Variants in SENP5 observed in about 807,000 individuals in gnomAD.
The protein encoded by SENP5 is SUMO specific peptidase 5.
SENP5 carries 21 observed loss-of-function variants against 74.2 expected under a neutral mutation model. The observed-to-expected ratio is 0.28, with a 90% confidence interval of 0.20 to 0.41. The LOEUF is 0.41. Among genes scored for constraint, SENP5 ranks in the 10% least tolerant of loss-of-function variants. SENP5 has a pLI of 1.00. For missense variants in SENP5, 717 were observed against 889.1 expected (o/e 0.81, Z 2.46); for synonymous variants, 311 against 312.7 (o/e 0.99, Z 0.06).
intron 1 of SENP5, among the ~76,000 whole-genome samples, chr3:196,869,348 T>C (rs916470244): frequency 2.6e-5 from 4 of 151,596 alleles, no homozygotes; most frequent in African/African-American, 9.7e-5. Context: ...GGATTACAGG[T>C]GCCCGCCATC....
intron 6 of SENP5, among the ~76,000 whole-genome samples, chr3:196,920,671 T>G (rs576898785): frequency 9.8e-5 from 15 of 152,322 alleles, no homozygotes; most frequent in Admixed American, 7.8e-4. Flanking sequence ...ATTATTCCTA[T>G]TTTCCTGAGA....
intron 2 of SENP5, among the ~76,000 whole-genome samples, chr3:196,887,687 G>A (rs1485247522): frequency 6.6e-6 from 1 of 152,084 alleles, no homozygotes; most frequent in Admixed American, 6.6e-5. Flanking sequence ...AAAGGTAAAA[G>A]CCTTCAGTAC....
intron 2 of SENP5, among the ~76,000 whole-genome samples, chr3:196,894,493 A>G (rs1411111104): frequency 6.6e-6 from 1 of 151,700 alleles, no homozygotes; most frequent in Non-Finnish European, 1.5e-5. Flanking sequence ...CTTTACACCA[A>G]AATGAATTCC....
intron 2 of SENP5, among the ~76,000 whole-genome samples, chr3:196,894,074 T>G (rs1560147541): frequency 3.3e-5 from 5 of 151,832 alleles, no homozygotes; most frequent in African/African-American, 4.8e-5. Context: ...AAAGTAAATG[T>G]TTATAAAAAT....
intron 6 of SENP5, among the ~76,000 whole-genome samples, chr3:196,916,527 C>CTTT (rs36159681): frequency 1.4e-5 from 2 of 143,304 alleles, no homozygotes; most frequent in Non-Finnish European, 3.0e-5. Context: ...AAGAGATTGA[C>CTTT]TTTTTTTTTT....
At position 196,900,204 on chromosome 3, in the gene SENP5, C is replaced by T. The variant is rs1038465948; in HGVS notation, c.1758+142C>T. 4.1e-6 allele frequency: 5 copies of T among 1,217,180 alleles called. No homozygotes were observed. In the African/African-American group the frequency reaches 4.6e-5, roughly 11 times the overall value. The allele number at this position is 1,217,180 out of a possible 1,614,324, so 75.4% of individuals were successfully genotyped here. A position where few individuals can be genotyped will look rare whatever the true frequency, so the allele number is the denominator to read the frequency against. The stretch of plus-strand genomic sequence containing the variant: ...CTGGTTACTTGCCCCAGGATCCAAA[C>T]GGTTTGATTACTATTGGCAGTAATA... On this transcript the variant is annotated intron_variant, in intron 4 of 9. Coordinates refer to ENST00000323460, the MANE Select transcript of SENP5 (RefSeq NM_152699.5).
chr3:196,893,831 A>G (rs541230915), intron 2 of SENP5, among the ~76,000 whole-genome samples: 1 of 151,356 alleles, frequency 6.6e-6, no homozygotes, highest in African/African-American at 2.4e-5. Context: ...AATTGCTTGT[A>G]CTTGTGAGTT....
intron 5 of SENP5, among the ~76,000 whole-genome samples, chr3:196,901,712 G>A (rs1714705977): frequency 6.6e-6 from 1 of 152,126 alleles, no homozygotes; most frequent in African/African-American, 2.4e-5. Flanking sequence ...GAATCATGAG[G>A]CTAATCTGCT....
intron 2 of SENP5, among the ~76,000 whole-genome samples, chr3:196,898,586 C>G (rs763067874): frequency 1.6e-4 from 24 of 151,778 alleles, no homozygotes; most frequent in Non-Finnish European, 3.2e-4. Context: ...TAGAAAGAGA[C>G]CCCATCTCCA....
chr3:196,898,030 T>C (rs1383370303), intron 2 of SENP5, among the ~76,000 whole-genome samples: 1 of 151,088 alleles, frequency 6.6e-6, no homozygotes, highest in Non-Finnish European at 1.5e-5. Context: ...ATACAAAAAT[T>C]AGCTGGGCGT....
chr3:196,876,066 G>T (rs1297689712), intron 1 of SENP5, among the ~76,000 whole-genome samples: 2 of 152,074 alleles, frequency 1.3e-5, no homozygotes, highest in Non-Finnish European at 2.9e-5. Flanking sequence ...TGAATTACAT[G>T]TTTATTTCAT....
rs1156396307 is a variant in SENP5, at chr3:196,931,450, G to A, written c.*527G>A. Reference sequence around the variant, plus strand: ...TTCACCAACTTCCCTCTCCAAGTGAGTCTTAGAGAGTGCAGTCCATTCCTT... The same window carrying A: ...TTCACCAACTTCCCTCTCCAAGTGAATCTTAGAGAGTGCAGTCCATTCCTT... On this transcript the variant is annotated 3_prime_UTR_variant, in exon 10 of 10. Coordinates refer to ENST00000323460, the MANE Select transcript of SENP5 (RefSeq NM_152699.5). The A allele has an allele frequency of 5.6e-6, 1 of 179,040 alleles. No homozygotes were observed. The highest frequency in any genetic ancestry group is 6.0e-5 in the Admixed American group (1 of 16,774). The allele number at this position is 179,040 out of a possible 1,614,324, so 11.1% of individuals were successfully genotyped here.
chr3:196,884,479 G>A (rs1713862349), intron 1 of SENP5, among the ~76,000 whole-genome samples: 1 of 152,206 alleles, frequency 6.6e-6, no homozygotes, highest in African/African-American at 2.4e-5. Context: ...ACCAGTCACT[G>A]CAGGTAGAGT....
intron 1 of SENP5, among the ~76,000 whole-genome samples, 159 bp downstream of exon 1, chr3:196,868,232 C>T (rs930008202): frequency 2.0e-5 from 3 of 152,230 alleles, no homozygotes. Flanking sequence ...GTCTCGGCCA[C>T]AGCCTCCCTT....
At chr3:196,873,397 A>G (rs978608671) in intron 1 of SENP5, among the ~76,000 whole-genome samples, 2 of 151,830 alleles carry the variant, frequency 1.3e-5, no homozygotes, top group African/African-American at 4.8e-5. Context: ...ACGTCTTTAG[A>G]TCTTTAAGTC....
Position 196,886,652 on chromosome 3 carries a change from G to T in SENP5, c.1471G>T (p.Ala491Ser). ...QVGGGKNSQK[A>S]SPVDDEQLSV... Reference sequence around the variant, plus strand: ...AGGAGGTGGAAAGAACAGTCAGAAAGCCTCTCCAGTGGATGATGAACAGCT... The same window carrying T: ...AGGAGGTGGAAAGAACAGTCAGAAATCCTCTCCAGTGGATGATGAACAGCT... The change falls in exon 2 of 10, where the codon GCC (alanine) becomes TCC (serine). Residue 491 changes from alanine to serine, a missense_variant. Ala to Ser is a moderately conservative substitution (Grantham distance 99, BLOSUM62 1). Coordinates refer to ENST00000323460, the MANE Select transcript of SENP5 (RefSeq NM_152699.5). 1 of 1,595,772 alleles carries T rather than the reference G, an allele frequency of 6.3e-7. No individual in the cohort carries two copies. The highest frequency in any genetic ancestry group is 8.5e-7 in the Non-Finnish European group (1 of 1,172,402).
chr3:196,877,670 A>AC (rs1713539109), intron 1 of SENP5, among the ~76,000 whole-genome samples: 1 of 152,154 alleles, frequency 6.6e-6, no homozygotes, highest in African/African-American at 2.4e-5. Context: ...TTGAAGCTGA[A>AC]CTGTCTTGAA....
At position 196,885,661 on chromosome 3, in the gene SENP5, C is replaced by G; in HGVS notation, c.480C>G (p.Asp160Glu). ...CCAATGGTCACAGACCTAGGACAGA[C>G]CCACAACCTTCTGACTTTCCCATGA... ...GQANGHRPRT[D>E]PQPSDFPMKF... Residue 160 changes from aspartate to glutamate, a missense_variant, in exon 2 of 10, where the codon GAC (aspartate) becomes GAG (glutamate). Around this residue, in one of 4 missense-constraint regions of SENP5, gnomAD observed 567 missense variants for 577.4 expected, o/e 0.98. Transcript: ENST00000323460. 6.2e-7 allele frequency: 1 copy of G among 1,614,194 alleles called. No individual in the cohort carries two copies. Among genetic ancestry groups the G allele is most frequent in the Non-Finnish European group, 8.5e-7 (1 of 1,180,044 alleles).
intron 1 of SENP5, among the ~76,000 whole-genome samples, chr3:196,876,703 C>A: frequency 8.1e-6 from 1 of 123,384 alleles, no homozygotes. Flanking sequence ...CAACATAGAC[C>A]GTATTTCTAC....
Sources: gnomAD v4.1 joint callset for allele counts (sites outside exome capture counted in the v4.1 genomes callset) on GRCh38, gnomAD v4.1.1 for gene constraint, gnomAD v4.1.1 regional missense constraint, MANE v1.5 for transcripts, NCBI Gene and HGNC (gene_info 2026-07-23, HGNC 2026-07-21) for gene names.